The following ARHGEF28 variants were observed in gnomAD, a reference collection of about 807,000 sequenced individuals.
ARHGEF28 encodes the protein 190 kDa guanine nucleotide exchange factor.
A neutral mutation model predicts 206.6 loss-of-function variants in ARHGEF28; 152 were observed. That is an observed-to-expected ratio of 0.74 (90% confidence interval 0.64 to 0.84). The LOEUF (loss-of-function observed/expected upper bound fraction) is 0.84. Among genes scored for constraint, ARHGEF28 ranks in the 40% least tolerant of loss-of-function variants. The probability of loss-of-function intolerance (pLI) is 0.00; values close to 1 mark genes in which losing one functional copy is unlikely to be tolerated. For missense variants in ARHGEF28, 2,028 were observed against 2,073.2 expected (o/e 0.98, Z 0.42); for synonymous variants, 763 against 776.4 (o/e 0.98, Z 0.29).
chr5:73,876,919 G>A (rs1344325868), intron 22 of ARHGEF28, among the ~76,000 whole-genome samples: 1 of 146,630 alleles, frequency 6.8e-6, no homozygotes, highest in Admixed American at 6.9e-5. Context: ...TTGGTATCAG[G>A]ATGATGCTGG....
chr5:73,714,882 G>T (rs1749482619), intron 2 of ARHGEF28, among the ~76,000 whole-genome samples: 1 of 152,148 alleles, frequency 6.6e-6, no homozygotes, highest in African/African-American at 2.4e-5. Context: ...GCAGTAAAAG[G>T]TGTGAATAGA....
chr5:73,680,604 C>G (rs868738058), intron 1 of ARHGEF28, among the ~76,000 whole-genome samples: 1 of 151,828 alleles, frequency 6.6e-6, no homozygotes, highest in South Asian at 2.1e-4. Flanking sequence ...TCTCAGAAAT[C>G]ACCACTAAAG....
chr5:73,880,564 A>G (rs1265527086), intron 22 of ARHGEF28, among the ~76,000 whole-genome samples: 5 of 152,214 alleles, frequency 3.3e-5, no homozygotes, highest in Admixed American at 3.3e-4. Flanking sequence ...CTATTCGGCC[A>G]TCTTGTAGTT....
At chr5:73,659,528 CA>C (rs35192318) in intron 1 of ARHGEF28, among the ~76,000 whole-genome samples, 54,753 of 126,928 alleles carry the variant, frequency 0.43, 10,772 homozygotes, top group Admixed American at 0.58. Flanking sequence ...GACTCCGTCT[CA>C]AAAAAAAAAA....
chr5:73,780,504 C>A, intron 6 of ARHGEF28, 172 bp from the exon 7 acceptor site: 1 of 622,154 alleles, frequency 1.6e-6, no homozygotes, highest in Non-Finnish European at 2.8e-6. Context: ...TTTGCTCGCC[C>A]TCCTGCTGGG....
At chr5:73,777,150 CA>C (rs1753587001) in intron 6 of ARHGEF28, among the ~76,000 whole-genome samples, 1 of 152,018 alleles carries the variant, frequency 6.6e-6, no homozygotes, top group Non-Finnish European at 1.5e-5. Flanking sequence ...AGTTCTTTTC[CA>C]AAGAGGTTTT....
At chr5:73,898,327 GCT>G (rs1356923196) in intron 30 of ARHGEF28, 1 of 328,520 alleles carries the variant, frequency 3.0e-6, no homozygotes, top group African/African-American at 2.1e-5. Flanking sequence ...GGGTTATACT[GCT>G]CTGTTTGCCG....
rs144419729 is a variant in ARHGEF28, at chr5:73,888,603, C to A, written c.3387+924C>A. Among the ~76,000 whole-genome samples the A allele has an allele frequency of 2.3e-3, 347 of 152,322 alleles. 1 individual carries two copies. Among genetic ancestry groups the A allele is most frequent in the African/African-American group, 8.1e-3 (335 of 41,574 alleles). On this transcript the variant is annotated intron_variant, in intron 26 of 35. Coordinates refer to ENST00000513042, the MANE Select transcript of ARHGEF28 (RefSeq NM_001177693.2). ...CAAAGACCTAAAAGAAAAGCAAATT[C>A]TGCTTCTTGGATGATATTACCGGAC...
chr5:73,904,456 A>G (rs1012662495), intron 33 of ARHGEF28, 51 bp downstream of exon 33: 12 of 1,516,666 alleles, frequency 7.9e-6, no homozygotes, highest in South Asian at 3.6e-5. Context: ...TCTTAATGCA[A>G]TTCTCTTTGA....
intron 22 of ARHGEF28, among the ~76,000 whole-genome samples, chr5:73,880,863 T>G (rs1480406402): frequency 6.6e-6 from 1 of 151,902 alleles, no homozygotes. Context: ...GCCTGGGAGG[T>G]TGAGGTTGCA....
At chr5:73,660,311 C>T (rs1206608013) in intron 1 of ARHGEF28, among the ~76,000 whole-genome samples, 4 of 152,174 alleles carry the variant, frequency 2.6e-5, no homozygotes, top group Non-Finnish European at 5.9e-5. Flanking sequence ...GCAGTTCAGT[C>T]CCATCTTATC....
chr5:73,859,332 T>G (rs1759244051), intron 16 of ARHGEF28, among the ~76,000 whole-genome samples: 1 of 152,184 alleles, frequency 6.6e-6, no homozygotes, highest in African/African-American at 2.4e-5. Context: ...TATTTGTTGA[T>G]CGCCAGAATT....
In ARHGEF28 at chr5:73,909,424, A is replaced by G. The variant is rs1762738001; in HGVS notation, c.4174A>G (p.Ile1392Val). The G allele has an allele frequency of 6.2e-7, 1 of 1,607,058 alleles. No individual in the cohort carries two copies. Among genetic ancestry groups the G allele is most frequent in the African/African-American group, 1.3e-5 (1 of 74,824 alleles). ...TCTGCTCTGACAGGCCGCCTTGACCATTCAGGACAGCCACATTGAGATCCA... is the reference window on the plus strand; with the variant it reads ...TCTGCTCTGACAGGCCGCCTTGACCGTTCAGGACAGCCACATTGAGATCCA... The part of the protein sequence containing the change: ...LLYSLQAALT[I>V]QDSHIEIHRL... The change falls in exon 34 of 36, where the codon ATT becomes GTT. Residue 1392 changes from isoleucine to valine, a missense_variant. Transcript: ENST00000513042.
intron 1 of ARHGEF28, among the ~76,000 whole-genome samples, chr5:73,639,466 A>T (rs573413359): frequency 6.6e-6 from 1 of 151,930 alleles, no homozygotes; most frequent in Non-Finnish European, 1.5e-5. Context: ...GTATGTATAC[A>T]TATATATGCA....
At chr5:73,916,039 G>A (rs888635328) in intron 35 of ARHGEF28, among the ~76,000 whole-genome samples, 2 of 152,082 alleles carry the variant, frequency 1.3e-5, no homozygotes, top group Non-Finnish European at 2.9e-5. Context: ...TCAAAGCATT[G>A]TATTTAGAAT....
rs754252609 is a variant in ARHGEF28, at chr5:73,858,153, T to C, written c.1981T>C (p.Ser661Pro). ...NRHQFAPGTF[S>P]GVLQCLVCDK... ...ACATCAGTTTGCCCCAGGAACATTC[T>C]CTGGGGTTCTGCAGTGTTTGGTTTG... is the stretch of plus-strand genomic sequence containing the variant. Residue 661 changes from serine to proline, a missense_variant, in exon 16 of 36, where the codon TCT becomes CCT. By Grantham distance (74) the Ser-to-Pro change is moderately conservative (BLOSUM62 -1). This residue lies in a region of ARHGEF28 where 1,002 missense variants were observed against 1,015.3 expected (regional missense o/e 0.99). Transcript: ENST00000513042. The C allele has an allele frequency of 1.5e-4, 245 of 1,612,314 alleles. No homozygotes were observed. Among genetic ancestry groups the C allele is most frequent in the Non-Finnish European group, 1.9e-4 (229 of 1,179,408 alleles).
intron 35 of ARHGEF28, among the ~76,000 whole-genome samples, chr5:73,920,902 G>T (rs901877591): frequency 2.0e-5 from 3 of 152,088 alleles, no homozygotes; most frequent in African/African-American, 7.2e-5. Flanking sequence ...ACACATTTAC[G>T]ATTTAATTGT....
intron 2 of ARHGEF28, among the ~76,000 whole-genome samples, chr5:73,704,422 A>T (rs115573584): frequency 1.8e-3 from 278 of 152,052 alleles, no homozygotes; most frequent in African/African-American, 6.6e-3. Flanking sequence ...ACTATTATTT[A>T]TTTATTTAAT....
At chr5:73,668,970 G>A (rs944762527) in intron 1 of ARHGEF28, among the ~76,000 whole-genome samples, 1 of 151,174 alleles carries the variant, frequency 6.6e-6, no homozygotes, top group Non-Finnish European at 1.5e-5. Flanking sequence ...CCAGAAGAAT[G>A]TTTTTTTTTC....
Sources: allele counts gnomAD v4.1 joint callset (sites outside exome capture counted in the v4.1 genomes callset), GRCh38; gene constraint gnomAD v4.1.1; regional missense constraint gnomAD v4.1.1; transcripts MANE v1.5; gene names NCBI Gene and HGNC (gene_info 2026-07-23, HGNC 2026-07-21).